Variants in ERICH1 observed in about 807,000 individuals in gnomAD.
ERICH1 encodes the protein glutamate rich 1, also known as glutamate-rich protein 1.
A neutral mutation model predicts 39.6 loss-of-function variants in ERICH1; 56 were observed. The observed-to-expected ratio is 1.41, with a 90% confidence interval of 1.14 to 1.77. The LOEUF (loss-of-function observed/expected upper bound fraction) is 1.77, where lower values mean the gene tolerates loss of function less well. ERICH1 is among the 40% of genes most tolerant of loss of function. The pLI is 0.00. For synonymous variants in ERICH1, 313 were observed against 223.6 expected, an observed-to-expected ratio of 1.40 and a Z score of -3.57; for missense variants, 826 against 575.4, an observed-to-expected ratio of 1.44 and a Z score of -4.45.
chr8:649,789 C>T (rs1799712670), intron 3 of ERICH1, among the ~76,000 whole-genome samples: 1 of 152,220 alleles, frequency 6.6e-6, no homozygotes, highest in South Asian at 2.1e-4. Flanking sequence ...GACAGAGCAG[C>T]CGCACAGGGC....
chr8:708,287 T>C (rs1198081165), intron 2 of ERICH1, among the ~76,000 whole-genome samples: 1 of 152,098 alleles, frequency 6.6e-6, no homozygotes, highest in African/African-American at 2.4e-5. Flanking sequence ...CACTCCTAAG[T>C]ATAAACTCAA....
intron 1 of ERICH1, 43 bp downstream of exon 1, chr8:731,097 C>A (rs1819889662): frequency 7.0e-7 from 1 of 1,428,760 alleles, no homozygotes; most frequent in Non-Finnish European, 9.2e-7. Context: ...AGCCGAGAGC[C>A]GGGTCTGGGG....
At position 673,572 on chromosome 8, in the gene ERICH1, C is replaced by G; in HGVS notation, c.780G>C (p.Pro260=). 2 of 1,551,044 alleles carry G rather than the reference C, an allele frequency of 1.3e-6. No individual in the cohort carries two copies. Among genetic ancestry groups the G allele is most frequent in the South Asian group, 1.2e-5 (1 of 86,734 alleles). The part of the protein sequence containing the change: ...GADASEEDPT[P]AGEEDVKDAR... ...CGTCTTTAACGTCTTCCTCCCCGGC[C>G]GGTGTCGGATCTTCCTCACTGGCGT... is the stretch of plus-strand genomic sequence containing the variant. Residue 260 remains proline, a synonymous_variant, in exon 4 of 6, where the codon CCG becomes CCC. Transcript: ENST00000262109.
At chr8:676,857 GCA>G (rs1426745509) in intron 3 of ERICH1, among the ~76,000 whole-genome samples, 1 of 152,228 alleles carries the variant, frequency 6.6e-6, no homozygotes, top group African/African-American at 2.4e-5. Flanking sequence ...TCTGAGCTGT[GCA>G]CCCCATCACA....
intron 2 of ERICH1, among the ~76,000 whole-genome samples, chr8:701,827 C>G (rs1253071616): frequency 1.3e-5 from 2 of 152,072 alleles, no homozygotes; most frequent in Non-Finnish European, 2.9e-5. Flanking sequence ...CGCGGTTGCT[C>G]ACGCATGTAA....
intron 3 of ERICH1, among the ~76,000 whole-genome samples, chr8:679,242 C>T (rs1320285030): frequency 6.4e-5 from 9 of 139,890 alleles, no homozygotes; most frequent in Admixed American, 3.6e-4. Flanking sequence ...CTCACAGCTT[C>T]AGCTCCGACC....
chr8:705,735 G>C (rs1405221243), intron 2 of ERICH1, among the ~76,000 whole-genome samples: 1 of 152,168 alleles, frequency 6.6e-6, no homozygotes, highest in Non-Finnish European at 1.5e-5. Flanking sequence ...ACTGGACAGG[G>C]AAAGTACAAC....
At chr8:670,305 G>A (rs1049749018) in intron 4 of ERICH1, among the ~76,000 whole-genome samples, 22 of 151,044 alleles carry the variant, frequency 1.5e-4, no homozygotes, top group African/African-American at 4.6e-4. Context: ...TGATAACATC[G>A]GCCTCTCCCA....
intron 1 of ERICH1, among the ~76,000 whole-genome samples, chr8:724,399 T>C (rs553445056): frequency 6.6e-6 from 1 of 152,326 alleles, no homozygotes; most frequent in Admixed American, 6.5e-5. Context: ...ATTTGTCGTA[T>C]CACGAAGCGT....
At chr8:634,183 A>AAAAAAAAAACAAACAAAAAACAAAC (rs1554481909) in intron 3 of ERICH1, among the ~76,000 whole-genome samples, 8 of 135,804 alleles carry the variant, frequency 5.9e-5, no homozygotes, top group African/African-American at 1.7e-4. Context: ...AAAAAAAAAA[A>AAAAAAAAAACAAACAAAAAACAAAC]AAACAAACAA....
chr8:725,190 G>T (rs1203866803), intron 1 of ERICH1: 2 of 195,644 alleles, frequency 1.0e-5, no homozygotes, highest in South Asian at 1.4e-4. Context: ...TTCCGTGCCT[G>T]CTGTCCCCTC....
chr8:695,345 G>T (rs959279511), intron 2 of ERICH1, among the ~76,000 whole-genome samples: 2 of 151,922 alleles, frequency 1.3e-5, no homozygotes, highest in Non-Finnish European at 2.9e-5. Flanking sequence ...GGAAAATAAA[G>T]AAATCAGAGA....
chr8:682,905 C>T (rs534378657), intron 3 of ERICH1, among the ~76,000 whole-genome samples: 120 of 152,300 alleles, frequency 7.9e-4, no homozygotes, highest in African/African-American at 2.8e-3. Flanking sequence ...CTCAAGCTAC[C>T]AATGTCCTCT....
chr8:729,316 C>G (rs1313472763), intron 1 of ERICH1, among the ~76,000 whole-genome samples: 1 of 152,224 alleles, frequency 6.6e-6, no homozygotes, highest in Non-Finnish European at 1.5e-5. Flanking sequence ...CCACCTGCAA[C>G]CACCCCATGA....
At chr8:626,828 T>A in intron 3 of ERICH1, 1 of 251,198 alleles carries the variant, frequency 4.0e-6, no homozygotes, top group Non-Finnish European at 8.4e-6. Context: ...CATCATGGAG[T>A]TTTTGGTCTC....
At chr8:717,233 C>T (rs1816224644) in intron 1 of ERICH1, among the ~76,000 whole-genome samples, 2 of 152,168 alleles carry the variant, frequency 1.3e-5, no homozygotes, top group Non-Finnish European at 2.9e-5. Flanking sequence ...AGACCCCGGG[C>T]TCTTCACCAG....
intron 3 of ERICH1, among the ~76,000 whole-genome samples, chr8:680,907 G>C (rs1805973802): frequency 6.6e-6 from 1 of 152,214 alleles, no homozygotes; most frequent in African/African-American, 2.4e-5. Context: ...TCCTGGACAG[G>C]GCAGAGGGGA....
intron 1 of ERICH1, among the ~76,000 whole-genome samples, chr8:717,758 G>C (rs759143705): frequency 6.6e-6 from 1 of 152,228 alleles, no homozygotes; most frequent in Non-Finnish European, 1.5e-5. Flanking sequence ...CGCCTCCCCA[G>C]GCACAGCTGC....
rs1021337637 is a variant in ERICH1 at position 726,972 on chromosome 8, C to T, written c.22+4168G>A. Among the ~76,000 whole-genome samples the T allele has an allele frequency of 5.3e-5, 7 of 132,932 alleles. No homozygotes were observed. In the South Asian group the frequency reaches 6.3e-4, roughly 12 times the overall value. 87.2% of individuals were successfully genotyped at this position (132,932 alleles called of 152,430 possible). A position where few individuals can be genotyped will look rare whatever the true frequency, so the allele number is the denominator to read the frequency against. On this transcript the variant is annotated intron_variant, in intron 1 of 5. Transcript: ENST00000262109. Reference sequence around the variant, plus strand: ...ACACAGGCACATACACATGCACACACGTACACATACACATACACACACGCA... The same window carrying T: ...ACACAGGCACATACACATGCACACATGTACACATACACATACACACACGCA...
Sources: gnomAD v4.1 joint callset for allele counts (sites outside exome capture counted in the v4.1 genomes callset) on GRCh38, gnomAD v4.1.1 for gene constraint, MANE v1.5 for transcripts, NCBI Gene and HGNC (gene_info 2026-07-23, HGNC 2026-07-21) for gene names.